The following HOXC5 variants were observed in gnomAD, a reference collection of about 807,000 sequenced individuals.
HOXC5 encodes homeobox protein Hox-C5.
HOXC5 carries 19 observed loss-of-function variants against 20.1 expected under a neutral mutation model. That is an observed-to-expected ratio of 0.94 (90% CI 0.66 to 1.38). HOXC5 has a LOEUF of 1.38. HOXC5 is among the 40% of genes most tolerant of loss of function. The pLI is 0.00. For missense variants in HOXC5, 330 were observed against 300.1 expected (o/e 1.10, Z -0.74); for synonymous variants, 124 against 117.0 (o/e 1.06, Z -0.39).
upstream of HOXC5, chr12:54,030,118 C>G (rs939068866): frequency 1.5e-5 from 10 of 689,610 alleles, no homozygotes; most frequent in Admixed American, 2.4e-4. Context: ...AAAGTCAGCT[C>G]TGGACCCCCT....
the HOXC5 span, chr12:54,021,581 C>G: frequency 6.6e-6 from 1 of 152,268 alleles, no homozygotes; most frequent in Non-Finnish European, 1.5e-5. Context: ...GCTACTCTCT[C>G]TAGGTGATCG....
the HOXC5 span, among the ~76,000 whole-genome samples, chr12:54,025,137 T>C: frequency 6.6e-6 from 1 of 152,168 alleles, no homozygotes; most frequent in Non-Finnish European, 1.5e-5. Context: ...TTTAGGCTCG[T>C]TTTATAGAAA....
At chr12:54,020,164 T>C in the HOXC5 span, 8 of 152,374 alleles carry the variant, frequency 5.3e-5, no homozygotes, top group Admixed American at 1.3e-4. Flanking sequence ...TGGTCCTTCC[T>C]GCAGGAGAGC....
upstream of HOXC5, chr12:54,028,927 T>A: frequency 6.2e-7 from 1 of 1,601,236 alleles, no homozygotes; most frequent in East Asian, 2.2e-5. Context: ...CAGTGGTGAG[T>A]TTTACAGCTC....
At chr12:54,021,416 G>A in the HOXC5 span, 3 of 152,344 alleles carry the variant, frequency 2.0e-5, no homozygotes, top group African/African-American at 7.2e-5. Flanking sequence ...GGAGCACTGA[G>A]TATGGGCTAC....
At chr12:54,024,204 A>G in the HOXC5 span, among the ~76,000 whole-genome samples, 2 of 151,872 alleles carry the variant, frequency 1.3e-5, no homozygotes, top group Non-Finnish European at 2.9e-5. Flanking sequence ...CAGCGGGGCA[A>G]CCGTTCTTCT....
upstream of HOXC5, among the ~76,000 whole-genome samples, chr12:54,029,247 G>A (rs1185274167): frequency 6.6e-6 from 1 of 152,204 alleles, no homozygotes; most frequent in African/African-American, 2.4e-5. Flanking sequence ...AGGGGGAGAG[G>A]AGAGGCAGAT....
upstream of HOXC5, chr12:54,028,523 T>C (rs959077483): frequency 3.7e-6 from 6 of 1,613,430 alleles, no homozygotes; most frequent in Non-Finnish European, 5.1e-6. Context: ...GGCAAAGGGA[T>C]GAATTCCTAC....
At chr12:54,026,963 G>GT in the HOXC5 span, among the ~76,000 whole-genome samples, 2 of 83,494 alleles carry the variant, frequency 2.4e-5, no homozygotes, top group African/African-American at 4.2e-5. Context: ...CCCAAAAATG[G>GT]TGGGGGGGGG....
Position 54,033,411 on chromosome 12 carries a change from G to C in HOXC5, c.289G>C (p.Gly97Arg), listed in dbSNP as rs1299040117. The C allele has an allele frequency of 3.4e-5, 54 of 1,610,030 alleles. No individual in the cohort carries two copies. The highest frequency in any genetic ancestry group is 4.3e-5 in the Non-Finnish European group (51 of 1,178,688). Residue 97 changes from glycine (G) to arginine (R), a missense_variant, in exon 1 of 2, where the codon GGG (glycine) becomes CGG (arginine). Coordinates refer to ENST00000312492, the MANE Select transcript of HOXC5 (RefSeq NM_018953.4). ...GRDEAAPLNPGMYSQKAARPA... is the reference protein window; with the variant it reads ...GRDEAAPLNPRMYSQKAARPA... Reference sequence around the variant, plus strand: ...AGACGAAGCGGCTCCTCTGAACCCCGGGATGTACAGTCAGAAGGCGGCTCG... The same window carrying C: ...AGACGAAGCGGCTCCTCTGAACCCCCGGATGTACAGTCAGAAGGCGGCTCG...
At chr12:54,031,684 G>A (rs973793483), upstream of HOXC5, among the ~76,000 whole-genome samples, 4 of 152,200 alleles carry the variant, frequency 2.6e-5, no homozygotes, top group African/African-American at 9.7e-5. Context: ...ATTCCCTCCA[G>A]CGCCCCCACC....
chr12:54,033,486 C>T lies in HOXC5; in HGVS notation c.364C>T (p.Gln122Ter). 1 of 1,592,526 alleles carries T rather than the reference C, an allele frequency of 6.3e-7. No individual in the cohort carries two copies. Among genetic ancestry groups the T allele is most frequent in the Non-Finnish European group, 8.5e-7 (1 of 1,172,654 alleles). The change falls in exon 1 of 2, where the codon CAG (glutamine) becomes TAG (stop). Residue 122 changes from glutamine to a stop codon, truncating the protein, a stop_gained. Transcript: ENST00000312492. LOFTEE classifies it high-confidence loss of function. ...AKSSGEIKEEQAQTGQPAGLS... is the reference protein window; with the variant it reads ...AKSSGEIKEE ...GAGCAGTGGGGAGATCAAAGAGGAG[C>T]AGGCGCAGACAGGGCAGCCCGCCGG...
chr12:54,022,323 T>C, the HOXC5 span: 1 of 152,194 alleles, frequency 6.6e-6, no homozygotes, highest in African/African-American at 2.4e-5. Context: ...AAAATTGCAG[T>C]GAATTTAAGC....
At chr12:54,029,409 C>T (rs1292366871), upstream of HOXC5, among the ~76,000 whole-genome samples, 1 of 87,044 alleles carries the variant, frequency 1.1e-5, no homozygotes, top group Non-Finnish European at 2.2e-5. Flanking sequence ...CCCCGCCCCC[C>T]CGCCCCCCCC....
At chr12:54,021,345 T>C in the HOXC5 span, 1 of 152,248 alleles carries the variant, frequency 6.6e-6, no homozygotes, top group Non-Finnish European at 1.5e-5. Flanking sequence ...CAAGACCTGG[T>C]CAGGGAGACG....
At chr12:54,018,857 A>G in the HOXC5 span, among the ~76,000 whole-genome samples, 1 of 152,176 alleles carries the variant, frequency 6.6e-6, no homozygotes, top group East Asian at 1.9e-4. Context: ...ACCCTCTCCC[A>G]GAGGCGCGAC....
chr12:54,033,766 G>C (rs1941084442), intron 1 of HOXC5, among the ~76,000 whole-genome samples, 190 bp downstream of exon 1: 1 of 152,210 alleles, frequency 6.6e-6, no homozygotes, highest in South Asian at 2.1e-4. Context: ...TGGATCATAG[G>C]AACAAAACGT....
chr12:54,034,267 T>G lies in HOXC5; in HGVS notation c.455-11T>G. 2 of 1,611,734 alleles carry G rather than the reference T, an allele frequency of 1.2e-6. No individual in the cohort carries two copies. The highest frequency in any genetic ancestry group is 2.2e-5 in the South Asian group (2 of 91,054). On this transcript the variant is annotated splice_polypyrimidine_tract_variant and intron_variant, in intron 1 of 1. Transcript: ENST00000312492. ...ACCCCTTCCTGGCTTGGGGTGGGGT[T>G]TATGTTCCAGAGACGGACGGCAAGC... is the stretch of plus-strand genomic sequence containing the variant.
the HOXC5 span, among the ~76,000 whole-genome samples, chr12:54,019,447 A>G: frequency 1.3e-5 from 2 of 152,248 alleles, no homozygotes; most frequent in South Asian, 2.1e-4. Context: ...GAGGGGCCCG[A>G]GAGGCCCGAA....
Sources: gnomAD v4.1 joint callset for allele counts (sites outside exome capture counted in the v4.1 genomes callset) on GRCh38, gnomAD v4.1.1 for gene constraint, MANE v1.5 for transcripts, NCBI Gene and HGNC (gene_info 2026-07-23, HGNC 2026-07-21) for gene names.